The following SNTG1 variants were observed in gnomAD, a reference collection of about 807,000 sequenced individuals.
SNTG1 encodes syntrophin gamma 1.
A neutral mutation model predicts 74.7 loss-of-function variants in SNTG1; 39 were observed. The observed-to-expected ratio is 0.52, with a 90% CI of 0.40 to 0.68. The LOEUF (loss-of-function observed/expected upper bound fraction) is 0.68, where lower values mean the gene tolerates loss of function less well. SNTG1 is among the 30% of genes least tolerant of loss of function. The pLI, the probability that SNTG1 is intolerant of heterozygous loss-of-function variation, is 0.00. For missense variants in SNTG1, 685 were observed against 609.5 expected (o/e 1.12, Z -1.30); for synonymous variants, 254 against 217.1 (o/e 1.17, Z -1.49).
chr8:50,085,818 T>G (rs556890678), intron 1 of SNTG1, among the ~76,000 whole-genome samples: 2 of 152,308 alleles, frequency 1.3e-5, no homozygotes, highest in Admixed American at 1.3e-4. Flanking sequence ...TGGCTGTACT[T>G]TAGGGTTTGG....
At chr8:50,313,748 G>A (rs911916305) in intron 2 of SNTG1, among the ~76,000 whole-genome samples, 3 of 149,524 alleles carry the variant, frequency 2.0e-5, no homozygotes, top group East Asian at 2.0e-4. Context: ...ATTTTATTCT[G>A]GAGAACCTAA....
At chr8:50,531,726 C>T (rs1377982826) in intron 10 of SNTG1, among the ~76,000 whole-genome samples, 1 of 152,100 alleles carries the variant, frequency 6.6e-6, no homozygotes, top group East Asian at 1.9e-4. Context: ...CCTGAGAGTG[C>T]CCCCTCCACG....
chr8:50,384,514 C>A (rs1300123698), intron 2 of SNTG1, among the ~76,000 whole-genome samples: 5 of 152,196 alleles, frequency 3.3e-5, no homozygotes. Flanking sequence ...ATACAATAAA[C>A]CTGCCATCAG....
chr8:50,626,717 GT>G (rs1029058389), intron 13 of SNTG1, among the ~76,000 whole-genome samples: 3 of 152,148 alleles, frequency 2.0e-5, no homozygotes, highest in African/African-American at 7.2e-5. Context: ...TCTGCCTTGG[GT>G]GGGCCAGGTG....
chr8:50,472,851 A>T (rs961858556), intron 8 of SNTG1, among the ~76,000 whole-genome samples: 8 of 152,158 alleles, frequency 5.3e-5, no homozygotes, highest in Non-Finnish European at 1.0e-4. Context: ...ACCTTACCCA[A>T]TTAAAAACTG....
At chr8:50,352,791 T>C (rs1184090377) in intron 2 of SNTG1, among the ~76,000 whole-genome samples, 1 of 152,178 alleles carries the variant, frequency 6.6e-6, no homozygotes, top group Admixed American at 6.5e-5. Flanking sequence ...TATTTAGGCT[T>C]CTCAGAATGC....
chr8:50,067,032 T>C (rs1362300980), intron 1 of SNTG1, among the ~76,000 whole-genome samples: 1 of 152,212 alleles, frequency 6.6e-6, no homozygotes, highest in East Asian at 1.9e-4. Context: ...TCTTTTCTTT[T>C]CTTTTTTTTT....
chr8:50,424,605 G>A (rs988663940), intron 4 of SNTG1, among the ~76,000 whole-genome samples: 1 of 152,168 alleles, frequency 6.6e-6, no homozygotes, highest in African/African-American at 2.4e-5. Context: ...CAGCTGTGTA[G>A]CACACAACAA....
intron 15 of SNTG1, among the ~76,000 whole-genome samples, chr8:50,664,234 C>T (rs1385104681): frequency 2.0e-5 from 3 of 152,136 alleles, no homozygotes; most frequent in East Asian, 3.9e-4. Context: ...TACATTTTAG[C>T]ATTACAGACC....
chr8:50,735,127 A>G (rs899291055), intron 17 of SNTG1, among the ~76,000 whole-genome samples: 13 of 151,454 alleles, frequency 8.6e-5, no homozygotes, highest in African/African-American at 3.1e-4. Flanking sequence ...TGTAACTATT[A>G]AGCAATAATT....
chr8:50,487,745 G>A (rs2093811446), intron 8 of SNTG1, among the ~76,000 whole-genome samples: 1 of 151,702 alleles, frequency 6.6e-6, no homozygotes, highest in African/African-American at 2.4e-5. Flanking sequence ...TTGATGACGA[G>A]TTAGTGGGTG....
chr8:50,336,437 T>C (rs1355844630), intron 2 of SNTG1, among the ~76,000 whole-genome samples: 1 of 152,202 alleles, frequency 6.6e-6, no homozygotes, highest in African/African-American at 2.4e-5. Context: ...TCAGTGCCAA[T>C]TGTTTTGAGG....
intron 2 of SNTG1, among the ~76,000 whole-genome samples, chr8:50,282,186 T>A (rs1292298300): frequency 6.6e-6 from 1 of 152,036 alleles, no homozygotes; most frequent in Non-Finnish European, 1.5e-5. Flanking sequence ...AGCCCCAAGA[T>A]AACCTCCCCT....
intron 12 of SNTG1, among the ~76,000 whole-genome samples, chr8:50,557,207 G>A (rs2094461158): frequency 6.9e-6 from 1 of 145,880 alleles, no homozygotes; most frequent in Non-Finnish European, 1.5e-5. Context: ...AGGTTGGAGA[G>A]TAGGGGAGAA....
At chr8:50,338,035 C>A (rs2091203888) in intron 2 of SNTG1, among the ~76,000 whole-genome samples, 1 of 151,804 alleles carries the variant, frequency 6.6e-6, no homozygotes, top group African/African-American at 2.4e-5. Flanking sequence ...ACTCAGGAGG[C>A]TGAGGCAGGA....
chr8:50,017,538 A>T (rs1487835545), intron 1 of SNTG1, among the ~76,000 whole-genome samples: 1 of 152,012 alleles, frequency 6.6e-6, no homozygotes, highest in Non-Finnish European at 1.5e-5. Context: ...CACATTTTTC[A>T]TGGAAAGACA....
At chr8:49,966,865 T>C (rs1375144616) in intron 1 of SNTG1, among the ~76,000 whole-genome samples, 1 of 152,240 alleles carries the variant, frequency 6.6e-6, no homozygotes, top group East Asian at 1.9e-4. Flanking sequence ...TGTGTATATC[T>C]AGCATATATT....
chr8:50,460,482 A>C (rs147992465), intron 8 of SNTG1, among the ~76,000 whole-genome samples: 1,617 of 152,172 alleles, frequency 0.011, 11 homozygotes, highest in Non-Finnish European at 0.015. Flanking sequence ...GAAGCTGTTT[A>C]GTTTAATTAG....
At chr8:50,187,532 AATAG>A (rs1464092375) in intron 2 of SNTG1, among the ~76,000 whole-genome samples, 4 of 152,224 alleles carry the variant, frequency 2.6e-5, no homozygotes, top group African/African-American at 9.6e-5. Flanking sequence ...ATCTTTGTTA[AATAG>A]ATTATGTGCT....
Sources: gnomAD v4.1 joint callset for allele counts (sites outside exome capture counted in the v4.1 genomes callset) on GRCh38, gnomAD v4.1.1 for gene constraint, MANE v1.5 for transcripts, NCBI Gene and HGNC (gene_info 2026-07-23, HGNC 2026-07-21) for gene names.